BLTP1: variants seen among roughly 807,000 people sequenced by gnomAD.
The protein encoded by BLTP1 is bridge-like lipid transfer protein family member 1.
At chr4:122,294,462 T>G in the BLTP1 span, among the ~76,000 whole-genome samples, 1 of 152,148 alleles carries the variant, frequency 6.6e-6, no homozygotes, top group Non-Finnish European at 1.5e-5. Flanking sequence ...AGGAACCTGG[T>G]GCAGGAGGAA....
At chr4:122,169,786 G>C in the BLTP1 span, 10 of 984,620 alleles carry the variant, frequency 1.0e-5, no homozygotes, top group Non-Finnish European at 1.2e-5. Flanking sequence ...TTTATCCTAA[G>C]TATCTGATAG....
chr4:122,190,467 A>G, the BLTP1 span: 1 of 929,600 alleles, frequency 1.1e-6, no homozygotes, highest in Non-Finnish European at 1.3e-6. Flanking sequence ...ATCTAGTAAT[A>G]TTTTAAATCT....
At chr4:122,247,344 T>C in the BLTP1 span, 19 of 1,613,102 alleles carry the variant, frequency 1.2e-5, 1 homozygote, top group Admixed American at 3.2e-4. Flanking sequence ...AACTTAGGGG[T>C]CTTGATACAA....
At chr4:122,189,459 C>T in the BLTP1 span, 1 of 965,468 alleles carries the variant, frequency 1.0e-6, no homozygotes, top group South Asian at 4.8e-5. Flanking sequence ...ATTAAATATT[C>T]ATGGAAATAG....
chr4:122,260,980 A>C, the BLTP1 span, among the ~76,000 whole-genome samples: 6 of 152,164 alleles, frequency 3.9e-5, no homozygotes, highest in Non-Finnish European at 8.8e-5. Context: ...TTAAAAACGG[A>C]TAAATATGTA....
At chr4:122,272,352 A>C in the BLTP1 span, 1 of 1,613,234 alleles carries the variant, frequency 6.2e-7, no homozygotes, top group Non-Finnish European at 8.5e-7. Context: ...CTAACAATGG[A>C]ATCAGAACTG....
the BLTP1 span, chr4:122,347,637 C>T: frequency 3.9e-5 from 63 of 1,613,790 alleles, no homozygotes; most frequent in Non-Finnish European, 4.9e-5. Context: ...CAGCCTCCTT[C>T]ACCCACATGC....
At chr4:122,336,883 G>C in the BLTP1 span, 431 of 1,594,582 alleles carry the variant, frequency 2.7e-4, no homozygotes, top group African/African-American at 5.4e-3. Flanking sequence ...TTAAACAGCT[G>C]TCAGCTCACA....
chr4:122,229,009 A>T, the BLTP1 span: 15 of 906,518 alleles, frequency 1.7e-5, no homozygotes, highest in East Asian at 8.7e-5. Flanking sequence ...ACTGATTTTT[A>T]AAAAATACAT....
the BLTP1 span, chr4:122,162,733 A>G: frequency 1.3e-4 from 105 of 807,254 alleles, no homozygotes; most frequent in Admixed American, 1.7e-4. Context: ...TAACAACAAC[A>G]ACAAAAAAAA....
chr4:122,261,474 A>G, the BLTP1 span: 1 of 982,476 alleles, frequency 1.0e-6, no homozygotes, highest in South Asian at 4.7e-5. Flanking sequence ...CTGTATTTTA[A>G]ATTGATCGGC....
chr4:122,278,224 A>T, the BLTP1 span, among the ~76,000 whole-genome samples: 1 of 152,040 alleles, frequency 6.6e-6, no homozygotes, highest in Non-Finnish European at 1.5e-5. Flanking sequence ...AGTTCAAGAC[A>T]CTTTTCTAAT....
the BLTP1 span, chr4:122,152,526 C>T: frequency 1.0e-6 from 1 of 985,810 alleles, no homozygotes; most frequent in Non-Finnish European, 1.2e-6. Context: ...CGCCCAAGGC[C>T]CTCGGCGTTC....
At chr4:122,356,178 C>T in the BLTP1 span, among the ~76,000 whole-genome samples, 1 of 152,080 alleles carries the variant, frequency 6.6e-6, no homozygotes, top group African/African-American at 2.4e-5. Flanking sequence ...CCTCTCTCTC[C>T]TCAGTAAAAT....
chr4:122,238,275 C>T, the BLTP1 span: 1 of 1,613,974 alleles, frequency 6.2e-7, no homozygotes, highest in Non-Finnish European at 8.5e-7. Context: ...AAGGAAAGTC[C>T]TTCATCTGTT....
At chr4:122,357,671 T>C in the BLTP1 span, among the ~76,000 whole-genome samples, 2 of 152,110 alleles carry the variant, frequency 1.3e-5, no homozygotes, top group African/African-American at 4.8e-5. Flanking sequence ...TGAAATGTAA[T>C]GATTTGGAAT....
At chr4:122,213,928 T>C in the BLTP1 span, among the ~76,000 whole-genome samples, 1 of 152,156 alleles carries the variant, frequency 6.6e-6, no homozygotes, top group East Asian at 1.9e-4. Context: ...TTTTTGTTAA[T>C]GAAGAAAAAT....
the BLTP1 span, chr4:122,276,827 A>C: frequency 1.0e-6 from 1 of 975,350 alleles, no homozygotes; most frequent in Non-Finnish European, 1.2e-6. Flanking sequence ...TTTATGTAAT[A>C]CCTAGATTTT....
At chr4:122,204,942 G>A in the BLTP1 span, 2 of 278,906 alleles carry the variant, frequency 7.2e-6, no homozygotes, top group Non-Finnish European at 5.4e-6. Flanking sequence ...TAATAGAACA[G>A]GTTAATAGCC....
Sources: gnomAD v4.1 joint callset for allele counts (sites outside exome capture counted in the v4.1 genomes callset) on GRCh38, gnomAD v4.1.1 for gene constraint, MANE v1.5 for transcripts, NCBI Gene and HGNC (gene_info 2026-07-23, HGNC 2026-07-21) for gene names.